RBFOX1: variants seen among roughly 807,000 people sequenced by gnomAD.
RBFOX1 encodes the protein RNA binding fox-1 homolog 1.
Under a neutral mutation model 57.7 loss-of-function variants are expected in RBFOX1, and 8 were observed. The ratio of observed to expected loss-of-function variants is 0.14; its 90% CI spans 0.08 to 0.25. The LOEUF is 0.25. Among genes scored for constraint, RBFOX1 ranks in the 10% least tolerant of loss-of-function variants. RBFOX1 has a pLI of 1.00. For synonymous variants in RBFOX1, 326 were observed against 222.4 expected (o/e 1.47, Z -4.15); for missense variants, 611 against 548.5 (o/e 1.11, Z -1.14).
chr16:7,075,082 A>C (rs1353614075), intron 4 of RBFOX1, among the ~76,000 whole-genome samples: 1 of 152,232 alleles, frequency 6.6e-6, no homozygotes, highest in East Asian at 1.9e-4. Context: ...GATAGTAGCC[A>C]AGATGAAGTT....
In RBFOX1 at chr16:6,253,099, CTCTA is replaced by C. The variant is rs1200284607; in HGVS notation, c.-126-63888_-126-63885del. ...TCTCCTTCTTGATCTATATATGTATCTCTATCTATCTCTATCATACACACACTTA... is the reference window on the plus strand; with the variant it reads ...TCTCCTTCTTGATCTATATATGTATCTCTATCTCTATCATACACACACTTA... On this transcript the variant is annotated intron_variant, in intron 1 of 15. Transcript: ENST00000550418. 2.6e-5 allele frequency among the ~76,000 whole-genome samples: 4 copies of C among 152,228 alleles called. No homozygotes were observed. In the East Asian group the frequency reaches 7.7e-4, roughly 29 times the overall value.
chr16:6,433,846 C>CTTTT (rs201617630), intron 2 of RBFOX1, among the ~76,000 whole-genome samples: 3 of 127,176 alleles, frequency 2.4e-5, no homozygotes, highest in Non-Finnish European at 3.2e-5. Flanking sequence ...TTTCATTTTT[C>CTTTT]TTTTTTTTTT....
chr16:6,700,638 A>G (rs1326354445), intron 3 of RBFOX1, among the ~76,000 whole-genome samples: 1 of 152,116 alleles, frequency 6.6e-6, no homozygotes, highest in East Asian at 1.9e-4. Context: ...AGCCTGGGCA[A>G]CAAAAACGAA....
At chr16:6,969,201 C>T (rs1025022412) in intron 3 of RBFOX1, among the ~76,000 whole-genome samples, 1 of 152,092 alleles carries the variant, frequency 6.6e-6, no homozygotes, top group Non-Finnish European at 1.5e-5. Flanking sequence ...CACTACATTC[C>T]CAGTCCTTCA....
chr16:7,010,480 G>A (rs1002208029), intron 3 of RBFOX1, among the ~76,000 whole-genome samples: 1 of 152,072 alleles, frequency 6.6e-6, no homozygotes, highest in Admixed American at 6.6e-5. Context: ...GATCTCTGGT[G>A]GCCAGTGAAG....
intron 3 of RBFOX1, among the ~76,000 whole-genome samples, chr16:5,745,400 C>T (rs1300289663): frequency 2.6e-5 from 4 of 152,194 alleles, no homozygotes; most frequent in Non-Finnish European, 5.9e-5. Context: ...CCGCAATAAA[C>T]ATATGTGTGC....
At chr16:5,617,854 A>G (rs1014566461) in intron 3 of RBFOX1, among the ~76,000 whole-genome samples, 4 of 151,872 alleles carry the variant, frequency 2.6e-5, no homozygotes, top group African/African-American at 9.7e-5. Flanking sequence ...TCCTTCCCCT[A>G]GGCAGCATTT....
At chr16:7,115,774 A>C (rs1430766944) in intron 4 of RBFOX1, among the ~76,000 whole-genome samples, 1 of 152,210 alleles carries the variant, frequency 6.6e-6, no homozygotes, top group Non-Finnish European at 1.5e-5. Flanking sequence ...ATAATTAATT[A>C]ATCTAGCCTG....
At chr16:5,661,707 G>T (rs1169146168) in intron 3 of RBFOX1, among the ~76,000 whole-genome samples, 1 of 152,192 alleles carries the variant, frequency 6.6e-6, no homozygotes, top group Admixed American at 6.5e-5. Flanking sequence ...AAAGTCTGCT[G>T]TCTTATCAAA....
At chr16:7,587,332 A>C in intron 7 of RBFOX1, 32 bp downstream of exon 7, 1 of 1,496,320 alleles carries the variant, frequency 6.7e-7, no homozygotes, top group Non-Finnish European at 8.9e-7. Context: ...AGAATTGTTT[A>C]GTTTATTTTT....
chr16:6,756,109 A>C (rs763493108), intron 3 of RBFOX1, among the ~76,000 whole-genome samples: 1 of 152,218 alleles, frequency 6.6e-6, no homozygotes, highest in African/African-American at 2.4e-5. Flanking sequence ...TTGGTCATTC[A>C]TAGTAGAAAC....
At chr16:5,265,513 T>C (rs1251858775) in intron 1 of RBFOX1, among the ~76,000 whole-genome samples, 1 of 152,220 alleles carries the variant, frequency 6.6e-6, no homozygotes, top group African/African-American at 2.4e-5. Context: ...GATTCCCAAC[T>C]ATCAGTAAGA....
intron 4 of RBFOX1, among the ~76,000 whole-genome samples, chr16:7,053,479 G>A (rs1304342385): frequency 2.6e-5 from 4 of 152,170 alleles, no homozygotes; most frequent in Non-Finnish European, 4.4e-5. Context: ...GGATGGGGAC[G>A]ATGGTCAGAA....
intron 3 of RBFOX1, among the ~76,000 whole-genome samples, chr16:6,701,999 C>A (rs996100974): frequency 1.3e-5 from 2 of 152,096 alleles, no homozygotes; most frequent in African/African-American, 2.4e-5. Context: ...GGGTACTATG[C>A]TTATTACCTG....
intron 3 of RBFOX1, among the ~76,000 whole-genome samples, chr16:6,865,939 C>T (rs2059836143): frequency 6.6e-6 from 1 of 152,098 alleles, no homozygotes; most frequent in Non-Finnish European, 1.5e-5. Flanking sequence ...TCATTTGGTT[C>T]TTGCACAGTA....
chr16:5,979,742 G>T (rs556027329), intron 4 of RBFOX1, among the ~76,000 whole-genome samples: 1 of 152,186 alleles, frequency 6.6e-6, no homozygotes, highest in Non-Finnish European at 1.5e-5. Context: ...TGCACCTGTA[G>T]TCCCAGCTGC....
At chr16:5,699,197 A>G (rs1357820241) in intron 3 of RBFOX1, among the ~76,000 whole-genome samples, 1 of 152,016 alleles carries the variant, frequency 6.6e-6, no homozygotes, top group East Asian at 1.9e-4. Flanking sequence ...CATATTGGCC[A>G]GGCTGGTCTT....
chr16:6,544,394 C>A (rs971841526), intron 2 of RBFOX1, among the ~76,000 whole-genome samples: 1 of 152,190 alleles, frequency 6.6e-6, no homozygotes, highest in African/African-American at 2.4e-5. Context: ...ACCTGGCAAA[C>A]ATTTCCACCT....
At chr16:5,745,891 C>T (rs979882381) in intron 3 of RBFOX1, among the ~76,000 whole-genome samples, 3 of 152,152 alleles carry the variant, frequency 2.0e-5, no homozygotes, top group African/African-American at 4.8e-5. Flanking sequence ...TGTAGGTTGC[C>T]TATTGACTCT....
Sources: gnomAD v4.1 joint callset for allele counts (sites outside exome capture counted in the v4.1 genomes callset) on GRCh38, gnomAD v4.1.1 for gene constraint, MANE v1.5 for transcripts, NCBI Gene and HGNC (gene_info 2026-07-23, HGNC 2026-07-21) for gene names.